THSD7B: variants seen among roughly 807,000 people sequenced by gnomAD.
The protein encoded by THSD7B is thrombospondin type 1 domain containing 7B, also known as thrombospondin type-1 domain-containing protein 7B.
In THSD7B, 138 loss-of-function variants were observed where a neutral mutation model predicts 213.6. The ratio of observed to expected loss-of-function variants is 0.65; its 90% CI spans 0.56 to 0.74. The LOEUF is 0.74. Among genes scored for constraint, THSD7B ranks in the 30% least tolerant of loss-of-function variants. The pLI, the probability that THSD7B is intolerant of heterozygous loss-of-function variation, is 0.00. For missense variants in THSD7B, 1,931 were observed against 1,991.5 expected (o/e 0.97, Z 0.58); for synonymous variants, 742 against 687.0 (o/e 1.08, Z -1.25).
chr2:136,952,153 C>T (rs753162811), intron 2 of THSD7B, among the ~76,000 whole-genome samples: 10 of 151,666 alleles, frequency 6.6e-5, no homozygotes, highest in African/African-American at 1.5e-4. Context: ...AGGCATGAGC[C>T]ATCACACCCA....
At chr2:137,189,639 A>G (rs1558952089) in intron 7 of THSD7B, among the ~76,000 whole-genome samples, 1 of 151,726 alleles carries the variant, frequency 6.6e-6, no homozygotes, top group Non-Finnish European at 1.5e-5. Flanking sequence ...CTTTCTGGTC[A>G]CTTCGTACCC....
intron 2 of THSD7B, among the ~76,000 whole-genome samples, chr2:136,994,612 T>A (rs1419665108): frequency 6.6e-6 from 1 of 152,126 alleles, no homozygotes; most frequent in Non-Finnish European, 1.5e-5. Flanking sequence ...TGCTGAGTCC[T>A]GAGATAGGTA....
intron 1 of THSD7B, among the ~76,000 whole-genome samples, chr2:136,813,604 A>G (rs34399632): frequency 0.14 from 21,198 of 152,224 alleles, 2,213 homozygotes; most frequent in Non-Finnish European, 0.22. Flanking sequence ...AATAATATTT[A>G]TGAAAATGCC....
At chr2:137,393,688 G>A (rs1463433802) in intron 12 of THSD7B, among the ~76,000 whole-genome samples, 1 of 141,060 alleles carries the variant, frequency 7.1e-6, no homozygotes, top group Non-Finnish European at 1.6e-5. Flanking sequence ...TAATGGGATG[G>A]CTGGGTCAAA....
chr2:137,232,790 T>C, intron 8 of THSD7B, 109 bp from the exon 9 acceptor site: 1 of 1,018,470 alleles, frequency 9.8e-7, no homozygotes, highest in Non-Finnish European at 1.5e-6. Context: ...CTCAGGTCTT[T>C]GGAAGGCTGT....
At chr2:137,069,605 C>A (rs1687442431) in intron 3 of THSD7B, among the ~76,000 whole-genome samples, 2 of 151,940 alleles carry the variant, frequency 1.3e-5, no homozygotes, top group Admixed American at 1.3e-4. Flanking sequence ...TAAGGAGTGA[C>A]TGAAGGATAA....
intron 12 of THSD7B, among the ~76,000 whole-genome samples, chr2:137,307,319 C>A (rs1419922688): frequency 1.3e-5 from 2 of 152,020 alleles, no homozygotes; most frequent in Non-Finnish European, 2.9e-5. Flanking sequence ...CCACAGACCC[C>A]CATCAGTCAG....
intron 12 of THSD7B, among the ~76,000 whole-genome samples, chr2:137,352,356 A>C (rs944771991): frequency 1.3e-4 from 20 of 151,920 alleles, no homozygotes; most frequent in African/African-American, 4.3e-4. Flanking sequence ...TTGCCTCTGA[A>C]AGTCCACATG....
chr2:136,912,339 A>T (rs955925656), intron 2 of THSD7B, among the ~76,000 whole-genome samples: 1 of 150,984 alleles, frequency 6.6e-6, no homozygotes, highest in Non-Finnish European at 1.5e-5. Context: ...AAAAAAAAAA[A>T]AAAAAAAAAG....
At chr2:137,052,461 G>T in intron 2 of THSD7B, among the ~76,000 whole-genome samples, 1 of 151,054 alleles carries the variant, frequency 6.6e-6, no homozygotes, top group African/African-American at 2.4e-5. Context: ...TTTTTCACTA[G>T]GCATATAAAA....
intron 15 of THSD7B, among the ~76,000 whole-genome samples, chr2:137,521,446 C>T (rs2105167038): frequency 6.6e-6 from 1 of 152,142 alleles, no homozygotes; most frequent in South Asian, 2.1e-4. Context: ...GAGTGCAGCA[C>T]ACCTTCATCT....
intron 2 of THSD7B, among the ~76,000 whole-genome samples, chr2:136,923,618 T>A (rs1684472999): frequency 6.6e-6 from 1 of 152,172 alleles, no homozygotes; most frequent in Non-Finnish European, 1.5e-5. Flanking sequence ...CATTAATACT[T>A]GTTATTTCTC....
At chr2:137,073,468 A>C (rs1687545563) in intron 3 of THSD7B, among the ~76,000 whole-genome samples, 1 of 151,596 alleles carries the variant, frequency 6.6e-6, no homozygotes, top group African/African-American at 2.4e-5. Flanking sequence ...CATCTATTTG[A>C]TTCTTCTCTC....
chr2:136,828,161 G>C (rs1323825027), intron 1 of THSD7B, among the ~76,000 whole-genome samples: 4 of 151,958 alleles, frequency 2.6e-5, no homozygotes, highest in African/African-American at 9.7e-5. Context: ...TTACTGTCTT[G>C]AATAATCTTC....
intron 12 of THSD7B, among the ~76,000 whole-genome samples, chr2:137,376,247 G>A (rs922068592): frequency 2.6e-5 from 4 of 152,074 alleles, no homozygotes; most frequent in Non-Finnish European, 5.9e-5. Context: ...TCATTATCTC[G>A]ATAGCCTATT....
intron 1 of THSD7B, among the ~76,000 whole-genome samples, chr2:136,794,032 C>A (rs1482476756): frequency 6.6e-6 from 1 of 150,906 alleles, no homozygotes; most frequent in Admixed American, 6.6e-5. Flanking sequence ...TAAATTTGTT[C>A]ATAATATTCT....
chr2:136,898,877 G>A (rs956999073), intron 2 of THSD7B, among the ~76,000 whole-genome samples: 1 of 151,404 alleles, frequency 6.6e-6, no homozygotes, highest in Non-Finnish European at 1.5e-5. Flanking sequence ...TCCTGACCTC[G>A]TGATCTGCCC....
intron 10 of THSD7B, among the ~76,000 whole-genome samples, chr2:137,263,878 T>C (rs900460993): frequency 2.5e-4 from 38 of 152,172 alleles, no homozygotes; most frequent in African/African-American, 8.2e-4. Context: ...CACTTAAGCC[T>C]CCATTTCTCC....
At chr2:137,022,359 AC>A (rs1295372378) in intron 2 of THSD7B, among the ~76,000 whole-genome samples, 1 of 152,146 alleles carries the variant, frequency 6.6e-6, no homozygotes, top group East Asian at 1.9e-4. Context: ...TGTTGTCATT[AC>A]TTTTTTATTT....
Sources: allele counts gnomAD v4.1 joint callset (sites outside exome capture counted in the v4.1 genomes callset), GRCh38; gene constraint gnomAD v4.1.1; transcripts MANE v1.5; gene names NCBI Gene and HGNC (gene_info 2026-07-23, HGNC 2026-07-21).